Variants in SLC23A2 observed in about 807,000 individuals in gnomAD.
The protein encoded by SLC23A2 is Na(+)/L-ascorbic acid transporter 2.
SLC23A2 carries 36 observed loss-of-function variants against 73.3 expected under a neutral mutation model. That is an observed-to-expected ratio of 0.49 (90% CI 0.38 to 0.65). The LOEUF (loss-of-function observed/expected upper bound fraction) is 0.65. Ranked by LOEUF, SLC23A2 falls within the 30% of genes least tolerant of loss-of-function variation. The probability of loss-of-function intolerance (pLI) is 0.00; values close to 1 mark genes in which losing one functional copy is unlikely to be tolerated. For synonymous variants in SLC23A2, 343 were observed against 327.3 expected (o/e 1.05, Z -0.52); for missense variants, 507 against 841.6 (o/e 0.60, Z 4.92).
At chr20:4,860,770 G>A (rs1181657873) in intron 15 of SLC23A2, among the ~76,000 whole-genome samples, 1 of 152,238 alleles carries the variant, frequency 6.6e-6, no homozygotes, top group Non-Finnish European at 1.5e-5. Flanking sequence ...GCTGGGCACA[G>A]TGGCTCACGC....
At chr20:4,975,831 G>A (rs1467968142) in intron 1 of SLC23A2, among the ~76,000 whole-genome samples, 2 of 150,340 alleles carry the variant, frequency 1.3e-5, no homozygotes, top group Admixed American at 1.3e-4. Context: ...GGGTTTTTCT[G>A]ATTCATTTGC....
At chr20:4,866,727 G>A (rs1476607818) in intron 13 of SLC23A2, among the ~76,000 whole-genome samples, 1 of 152,142 alleles carries the variant, frequency 6.6e-6, no homozygotes, top group Non-Finnish European at 1.5e-5. Context: ...ATCAAACTTA[G>A]TATCTGGTTT....
At chr20:4,881,740 T>C (rs749818825) in intron 9 of SLC23A2, among the ~76,000 whole-genome samples, 5 of 152,226 alleles carry the variant, frequency 3.3e-5, no homozygotes, top group Non-Finnish European at 5.9e-5. Flanking sequence ...TCATGTGCTG[T>C]ATCTGCTTTA....
chr20:4,863,416 C>T lies in SLC23A2; in HGVS notation c.1357-509G>A, dbSNP rs930493253. 4.6e-5 allele frequency among the ~76,000 whole-genome samples: 7 copies of T among 152,222 alleles called. No homozygotes were observed. The highest frequency in any genetic ancestry group is 2.1e-4 in the South Asian group (1 of 4,830). On this transcript the variant is annotated intron_variant, in intron 13 of 16. Coordinates refer to ENST00000338244, the MANE Select transcript of SLC23A2 (RefSeq NM_005116.6). This position sits in a 1 kb window ranked among gnomAD's most constrained non-coding sequence, Gnocchi z 4.8. ...GACTGCGGGCTCTTCTCCTGGCCCA[C>T]GTCTGACTGTATGGTCGGGCCGACC...
At chr20:4,871,315 C>T (rs1043952068) in intron 11 of SLC23A2, among the ~76,000 whole-genome samples, 1 of 152,022 alleles carries the variant, frequency 6.6e-6, no homozygotes. Context: ...ACAAGAAGCA[C>T]CAGTGAGGTG....
At chr20:4,866,952 C>A (rs1175561101) in intron 13 of SLC23A2, among the ~76,000 whole-genome samples, 1 of 149,990 alleles carries the variant, frequency 6.7e-6, no homozygotes, top group African/African-American at 2.5e-5. Flanking sequence ...AATGGTGGGT[C>A]ATCTCTTAAT....
At chr20:4,922,442 C>T (rs1194987145) in intron 3 of SLC23A2, among the ~76,000 whole-genome samples, 1 of 152,186 alleles carries the variant, frequency 6.6e-6, no homozygotes, top group Non-Finnish European at 1.5e-5. Context: ...TGATGCATTC[C>T]TGTCACAGCA....
intron 9 of SLC23A2, among the ~76,000 whole-genome samples, chr20:4,881,202 CT>C (rs771251322): frequency 2.6e-5 from 4 of 152,148 alleles, no homozygotes; most frequent in African/African-American, 7.2e-5. Context: ...AAGTCTGGGG[CT>C]TTTTCATTTA....
Position 4,945,089 on chromosome 20 carries a change from C to T in SLC23A2, c.-154-12373G>A, listed in dbSNP as rs566196904. 3.5e-4 allele frequency among the ~76,000 whole-genome samples: 53 copies of T among 152,104 alleles called. 1 individual carries two copies. The South Asian group carries it at 0.011, about 31-fold the overall frequency. On this transcript the variant is annotated intron_variant, in intron 2 of 16. Transcript: ENST00000338244. Reference sequence around the variant, plus strand: ...AACTGGTTACCTAATACACAGAGTCCGACTTCAGGGAGTTTGCAATTCTGA... The same window carrying T: ...AACTGGTTACCTAATACACAGAGTCTGACTTCAGGGAGTTTGCAATTCTGA...
upstream of SLC23A2, among the ~76,000 whole-genome samples, chr20:5,003,966 C>T (rs975501864): frequency 6.6e-6 from 1 of 152,080 alleles, no homozygotes; most frequent in Non-Finnish European, 1.5e-5. Context: ...CCATACACCC[C>T]CCTTCCCTCT....
chr20:4,972,658 C>G (rs1239378957), intron 1 of SLC23A2, among the ~76,000 whole-genome samples: 1 of 151,976 alleles, frequency 6.6e-6, no homozygotes, highest in Non-Finnish European at 1.5e-5. Context: ...GCAATCTTGG[C>G]TCACTACAAC....
At chr20:4,909,296 G>A (rs919508621) in intron 4 of SLC23A2, among the ~76,000 whole-genome samples, 5 of 152,136 alleles carry the variant, frequency 3.3e-5, no homozygotes, top group Admixed American at 3.3e-4. Flanking sequence ...TGAGCATCAT[G>A]TCGGTGCTCA....
chr20:4,892,079 C>T (rs1299152054), intron 6 of SLC23A2, among the ~76,000 whole-genome samples: 4 of 151,440 alleles, frequency 2.6e-5, no homozygotes. Flanking sequence ...GGTTAGTTTA[C>T]CATTGAGGAA....
intron 2 of SLC23A2, among the ~76,000 whole-genome samples, chr20:4,966,423 C>G (rs558805498): frequency 8.5e-5 from 13 of 152,216 alleles, no homozygotes; most frequent in African/African-American, 3.1e-4. Flanking sequence ...AATGCGGGAG[C>G]CACCAGCCCC....
intron 1 of SLC23A2, among the ~76,000 whole-genome samples, chr20:4,996,857 T>G (rs1237242064): frequency 6.6e-6 from 1 of 151,888 alleles, no homozygotes; most frequent in Non-Finnish European, 1.5e-5. Context: ...AGTCGAAAAT[T>G]GGGACAAAGG....
At chr20:4,875,991 C>A (rs914836039) in intron 9 of SLC23A2, among the ~76,000 whole-genome samples, 1 of 152,170 alleles carries the variant, frequency 6.6e-6, no homozygotes, top group Non-Finnish European at 1.5e-5. Flanking sequence ...TGTTGCTCCA[C>A]GGGTCTCCCT....
intron 2 of SLC23A2, among the ~76,000 whole-genome samples, chr20:4,952,414 C>A (rs2087217558): frequency 6.6e-6 from 1 of 152,120 alleles, no homozygotes; most frequent in Non-Finnish European, 1.5e-5. Context: ...ATAACACAAA[C>A]ACAAACTGAG....
At chr20:4,860,120 TA>T (rs1479674345) in intron 15 of SLC23A2, among the ~76,000 whole-genome samples, 1 of 152,220 alleles carries the variant, frequency 6.6e-6, no homozygotes, top group Non-Finnish European at 1.5e-5. Context: ...ATTCCACTCT[TA>T]GGTATATACC....
intron 3 of SLC23A2, 123 bp from the exon 4 acceptor site, chr20:4,913,101 C>T (rs1932215401): frequency 2.9e-6 from 2 of 692,396 alleles, no homozygotes; most frequent in East Asian, 2.6e-5. Context: ...GAAACATACT[C>T]CATGTACCGT....
Sources: allele counts gnomAD v4.1 joint callset (sites outside exome capture counted in the v4.1 genomes callset), GRCh38; gene constraint gnomAD v4.1.1; non-coding constraint Gnocchi (gnomAD v3.1); transcripts MANE v1.5; gene names NCBI Gene and HGNC (gene_info 2026-07-23, HGNC 2026-07-21).